NAA20: variants seen among roughly 807,000 people sequenced by gnomAD.
NAA20 encodes the protein N-alpha-acetyltransferase 20, NatB catalytic subunit, also known as N-alpha-acetyltransferase 20.
NAA20 carries 24 observed loss-of-function variants against 23.8 expected under a neutral mutation model. The ratio of observed to expected loss-of-function variants is 1.01; its 90% confidence interval spans 0.73 to 1.42. NAA20 has a LOEUF of 1.42. Ranked by LOEUF, NAA20 falls within the 40% of genes most tolerant of loss-of-function variation. The pLI is 0.00. For synonymous variants in NAA20, 83 were observed against 77.7 expected, an observed-to-expected ratio of 1.07 and a Z score of -0.36; for missense variants, 166 against 223.1, an observed-to-expected ratio of 0.74 and a Z score of 1.63.
chr20:20,029,093 C>T (rs539108434), intron 4 of NAA20, among the ~76,000 whole-genome samples: 35 of 152,086 alleles, frequency 2.3e-4, no homozygotes, highest in African/African-American at 8.4e-4. Flanking sequence ...CATGCACGGC[C>T]AGCTATGATG....
intron 4 of NAA20, among the ~76,000 whole-genome samples, chr20:20,029,065 A>T (rs976800040): frequency 1.3e-5 from 2 of 152,070 alleles, no homozygotes; most frequent in Non-Finnish European, 2.9e-5. Flanking sequence ...AGTAGCTGGG[A>T]TTACAGGCGC....
intron 4 of NAA20, among the ~76,000 whole-genome samples, chr20:20,027,439 G>T (rs774997023): frequency 1.3e-5 from 2 of 152,004 alleles, no homozygotes; most frequent in Non-Finnish European, 2.9e-5. Context: ...CCAATGAGAG[G>T]TGTGCACCTG....
At position 20,017,898 on chromosome 20, in the gene NAA20, G is replaced by A. The variant is rs369449579; in HGVS notation, c.53+449G>A. The stretch of plus-strand genomic sequence containing the variant: ...GCACCGCCGACGGCCAGGCCGCAGA[G>A]GGGGCTTGCGAGGATCGGAAGCTGG... On this transcript the variant is annotated intron_variant, in intron 1 of 5. Coordinates refer to ENST00000334982, the MANE Select transcript of NAA20 (RefSeq NM_016100.5). 832 of 1,598,164 alleles carry A rather than the reference G, an allele frequency of 5.2e-4. 14 individuals are homozygous for A. The South Asian group carries it at 8.7e-3, about 17-fold the overall frequency.
chr20:20,021,531 G>A (rs1445992920), intron 1 of NAA20, among the ~76,000 whole-genome samples: 1 of 152,138 alleles, frequency 6.6e-6, no homozygotes, highest in East Asian at 1.9e-4. Flanking sequence ...TTGTGTTAAC[G>A]TGTAATTGAT....
chr20:20,017,350 C>T (rs747246755), upstream of NAA20: 8 of 1,607,102 alleles, frequency 5.0e-6, no homozygotes, highest in South Asian at 1.1e-5. Flanking sequence ...TCCGGCAGGG[C>T]GGGCGCGGGG....
At chr20:20,020,730 G>A (rs1237411867) in intron 1 of NAA20, among the ~76,000 whole-genome samples, 1 of 152,242 alleles carries the variant, frequency 6.6e-6, no homozygotes, top group Non-Finnish European at 1.5e-5. Flanking sequence ...AAGTGTTCAA[G>A]TAAAGGAGAC....
intron 1 of NAA20, chr20:20,017,959 A>C: frequency 6.2e-7 from 1 of 1,613,784 alleles, no homozygotes; most frequent in Non-Finnish European, 8.5e-7. Context: ...CGTGAAGCCC[A>C]CCTGGTGGCC....
chr20:20,027,285 A>G (rs2043313017), intron 4 of NAA20, among the ~76,000 whole-genome samples: 1 of 152,256 alleles, frequency 6.6e-6, no homozygotes, highest in African/African-American at 2.4e-5. Context: ...CTCCTCGGCC[A>G]AAAGAAAATA....
Position 20,033,200 on chromosome 20 carries a change from G to T in NAA20, c.*13G>T. On this transcript the variant is annotated 3_prime_UTR_variant, in exon 6 of 6. Transcript: ENST00000334982. ...AGACATTGAATAACCCTGGGCAGTG[G>T]TTCTTAGGCAGATACTCTAGATGCT... 3 of 1,585,138 alleles carry T rather than the reference G, an allele frequency of 1.9e-6. No homozygotes were observed. The highest frequency in any genetic ancestry group is 2.6e-6 in the Non-Finnish European group (3 of 1,154,862).
At chr20:20,020,400 C>T (rs2043259206) in intron 1 of NAA20, among the ~76,000 whole-genome samples, 1 of 152,142 alleles carries the variant, frequency 6.6e-6, no homozygotes, top group Non-Finnish European at 1.5e-5. Flanking sequence ...CACTGGGGGC[C>T]AGGGGAGCTT....
At chr20:20,021,071 TC>T (rs2043264941) in intron 1 of NAA20, among the ~76,000 whole-genome samples, 1 of 148,920 alleles carries the variant, frequency 6.7e-6, no homozygotes, top group African/African-American at 2.5e-5. Context: ...AAAGACTTCT[TC>T]CTGTTTTCTC....
At chr20:20,022,534 G>C (rs1173569574) in intron 2 of NAA20, 54 bp downstream of exon 2, 1 of 1,445,816 alleles carries the variant, frequency 6.9e-7, no homozygotes, top group Non-Finnish European at 9.3e-7. Flanking sequence ...TGAGAATAAA[G>C]AAAACAGAAA....
At chr20:20,026,759 A>C in intron 3 of NAA20, 25 bp from the exon 4 acceptor site, 1 of 1,611,756 alleles carries the variant, frequency 6.2e-7, no homozygotes, top group Non-Finnish European at 8.5e-7. Context: ...TAGTTACTGA[A>C]TGTGATTTTT....
chr20:20,023,694 G>A (rs1171344866), intron 2 of NAA20, among the ~76,000 whole-genome samples: 2 of 152,170 alleles, frequency 1.3e-5, no homozygotes, highest in Admixed American at 1.3e-4. Flanking sequence ...GCATATAGGA[G>A]CTTAATGAAC....
At chr20:20,027,639 C>T (rs879079013) in intron 4 of NAA20, among the ~76,000 whole-genome samples, 2 of 152,008 alleles carry the variant, frequency 1.3e-5, no homozygotes, top group Non-Finnish European at 2.9e-5. Flanking sequence ...CAATATCTGA[C>T]ATGTAAGGTT....
At chr20:20,032,962 G>C in intron 5 of NAA20, 140 bp from the exon 6 acceptor site, 1 of 729,804 alleles carries the variant, frequency 1.4e-6, no homozygotes, top group Non-Finnish European at 2.2e-6. Flanking sequence ...GCAATTGGGA[G>C]ACATTTATAA....
chr20:20,029,808 T>A (rs1048150984), intron 4 of NAA20, among the ~76,000 whole-genome samples: 6 of 152,114 alleles, frequency 3.9e-5, no homozygotes, highest in Non-Finnish European at 7.4e-5. Context: ...AGAACAAGAA[T>A]CAGCAATTTT....
intron 3 of NAA20, among the ~76,000 whole-genome samples, 190 bp from the exon 4 acceptor site, chr20:20,026,594 T>A (rs996507712): frequency 1.3e-5 from 2 of 152,140 alleles, no homozygotes; most frequent in Non-Finnish European, 2.9e-5. Context: ...ATTCTAAATG[T>A]AACAGATAGT....
chr20:20,020,092 TAAAC>T (rs1296197231), intron 1 of NAA20, among the ~76,000 whole-genome samples: 1 of 152,138 alleles, frequency 6.6e-6, no homozygotes, highest in Admixed American at 6.5e-5. Flanking sequence ...GAACAAGACA[TAAAC>T]AAAAAGGTGT....
Sources: gnomAD v4.1 joint callset for allele counts (sites outside exome capture counted in the v4.1 genomes callset) on GRCh38, gnomAD v4.1.1 for gene constraint, MANE v1.5 for transcripts, NCBI Gene and HGNC (gene_info 2026-07-23, HGNC 2026-07-21) for gene names.